Variants in EPHB1 observed in about 807,000 individuals in gnomAD.
The protein encoded by EPHB1 is EPH receptor B1, also known as ephrin type-B receptor 1.
A neutral mutation model predicts 94.4 loss-of-function variants in EPHB1; 30 were observed. The ratio of observed to expected loss-of-function variants is 0.32; its 90% confidence interval spans 0.24 to 0.43. The LOEUF is 0.43. Ranked by LOEUF, EPHB1 falls within the 20% of genes least tolerant of loss-of-function variation. The probability of loss-of-function intolerance (pLI) is 1.00; values close to 1 mark genes in which losing one functional copy is unlikely to be tolerated. For synonymous variants in EPHB1, 522 were observed against 489.1 expected, an observed-to-expected ratio of 1.07 and a Z score of -0.89; for missense variants, 1,055 against 1,308.3, an observed-to-expected ratio of 0.81 and a Z score of 2.99.
chr3:134,910,568 A>G (rs1402031283), intron 1 of EPHB1, among the ~76,000 whole-genome samples: 1 of 152,252 alleles, frequency 6.6e-6, no homozygotes, highest in African/African-American at 2.4e-5. Context: ...TACTCTCCAG[A>G]TATCTTGGTG....
At chr3:134,994,884 A>G (rs1262845904) in intron 3 of EPHB1, among the ~76,000 whole-genome samples, 1 of 152,228 alleles carries the variant, frequency 6.6e-6, no homozygotes, top group Non-Finnish European at 1.5e-5. Flanking sequence ...AGTTTATGCT[A>G]ATGGTAACAC....
chr3:135,226,843 A>G (rs1234718007), intron 12 of EPHB1, among the ~76,000 whole-genome samples: 2 of 152,216 alleles, frequency 1.3e-5, no homozygotes, highest in Admixed American at 6.5e-5. Flanking sequence ...TAAGGAAAAA[A>G]AAAAAGAAAT....
At chr3:134,876,999 G>A (rs1000330699) in intron 1 of EPHB1, among the ~76,000 whole-genome samples, 1 of 152,038 alleles carries the variant, frequency 6.6e-6, no homozygotes, top group Non-Finnish European at 1.5e-5. Flanking sequence ...CCTACCACAC[G>A]CCCCAGGTCC....
At chr3:135,168,525 G>A (rs1941717905) in intron 9 of EPHB1, among the ~76,000 whole-genome samples, 2 of 152,198 alleles carry the variant, frequency 1.3e-5, no homozygotes, top group Admixed American at 1.3e-4. Flanking sequence ...ATGTTGGCCT[G>A]TGCATTAGCC....
At chr3:134,826,170 T>A (rs1029183168) in intron 1 of EPHB1, among the ~76,000 whole-genome samples, 3 of 148,434 alleles carry the variant, frequency 2.0e-5, no homozygotes, top group Admixed American at 1.4e-4. Flanking sequence ...GAGAATTGCT[T>A]GAATCCAGGA....
intron 3 of EPHB1, among the ~76,000 whole-genome samples, chr3:135,033,501 G>A (rs1240924659): frequency 1.3e-5 from 2 of 152,108 alleles, no homozygotes; most frequent in Non-Finnish European, 2.9e-5. Flanking sequence ...AGCTTTCTGG[G>A]GCCTGTGGCT....
At chr3:135,244,584 CA>C (rs1943876306) in intron 13 of EPHB1, among the ~76,000 whole-genome samples, 2 of 152,170 alleles carry the variant, frequency 1.3e-5, no homozygotes, top group Non-Finnish European at 2.9e-5. Flanking sequence ...CATTTACAGC[CA>C]TCATCACATG....
At chr3:134,816,897 C>A (rs1440951902) in intron 1 of EPHB1, among the ~76,000 whole-genome samples, 6 of 152,048 alleles carry the variant, frequency 3.9e-5, no homozygotes, top group Non-Finnish European at 8.8e-5. Context: ...GGCACTCACC[C>A]TCAGTGTGAG....
chr3:134,822,449 A>G (rs2036400227), intron 1 of EPHB1, among the ~76,000 whole-genome samples: 1 of 152,176 alleles, frequency 6.6e-6, no homozygotes, highest in Non-Finnish European at 1.5e-5. Flanking sequence ...GGGGGCACTA[A>G]CCAACATATA....
chr3:134,887,435 A>G (rs1304853788), intron 1 of EPHB1, among the ~76,000 whole-genome samples: 1 of 152,204 alleles, frequency 6.6e-6, no homozygotes, highest in East Asian at 1.9e-4. Context: ...TCATTTTTGG[A>G]GGGAAGAATT....
intron 3 of EPHB1, among the ~76,000 whole-genome samples, chr3:135,013,454 C>T (rs1935687666): frequency 6.6e-6 from 1 of 152,166 alleles, no homozygotes; most frequent in South Asian, 2.1e-4. Flanking sequence ...CCACCGCATA[C>T]CGAGGAATCC....
rs758842322 is a variant in EPHB1, at chr3:135,259,258, G to A, written c.*138G>A. The A allele has an allele frequency of 7.4e-5, 47 of 633,186 alleles. No individual in the cohort carries two copies. The highest frequency in any genetic ancestry group is 1.1e-4 in the African/African-American group (6 of 54,024). The allele number at this position is 633,186 out of a possible 1,614,324, so 39.2% of individuals were successfully genotyped here. A position where few individuals can be genotyped will look rare whatever the true frequency, so the allele number is the denominator to read the frequency against. ...CATTTCCATCAGTGAAGAATCAACC[G>A]GACCTGTTGCTAGCAGGCAATCTCC... On this transcript the variant is annotated 3_prime_UTR_variant, in exon 16 of 16. Coordinates refer to ENST00000398015, the MANE Select transcript of EPHB1 (RefSeq NM_004441.5).
chr3:135,169,767 A>G (rs1941751292), intron 9 of EPHB1, among the ~76,000 whole-genome samples: 1 of 152,294 alleles, frequency 6.6e-6, no homozygotes, highest in South Asian at 2.1e-4. Context: ...CCACTCTAAG[A>G]GAAAGGAACT....
intron 3 of EPHB1, among the ~76,000 whole-genome samples, chr3:135,074,633 T>G (rs1241876494): frequency 6.6e-6 from 1 of 152,224 alleles, no homozygotes; most frequent in African/African-American, 2.4e-5. Flanking sequence ...AAGGTGTTGG[T>G]CACTGATCCA....
In EPHB1 at chr3:134,991,646, CAA is replaced by C. The variant is rs1208149654; in HGVS notation, c.805+39596_805+39597del. 5.3e-5 allele frequency among the ~76,000 whole-genome samples: 8 copies of C among 152,256 alleles called. 2 individuals carry two copies. Among genetic ancestry groups the C allele is most frequent in the Admixed American group, 5.2e-4 (8 of 15,304 alleles). ...ATGGACCTCACCCCTTGCCCCAGTG[CAA>C]ACACTCTCCCCTGGCTGAGCACCCC... On this transcript the variant is annotated intron_variant, in intron 3 of 15. Coordinates refer to ENST00000398015, the MANE Select transcript of EPHB1 (RefSeq NM_004441.5).
chr3:135,015,197 C>A (rs1935754457), intron 3 of EPHB1, among the ~76,000 whole-genome samples: 1 of 152,142 alleles, frequency 6.6e-6, no homozygotes, highest in Non-Finnish European at 1.5e-5. Flanking sequence ...CCGCTTTCAT[C>A]TCCCAGTGAC....
At chr3:135,091,285 C>T (rs1030427461) in intron 3 of EPHB1, among the ~76,000 whole-genome samples, 2 of 152,176 alleles carry the variant, frequency 1.3e-5, no homozygotes, top group African/African-American at 4.8e-5. Context: ...GCCATCTGGG[C>T]AGGTGGAGCA....
chr3:135,212,918 G>T (rs1328121928), intron 12 of EPHB1, among the ~76,000 whole-genome samples: 2 of 152,194 alleles, frequency 1.3e-5, no homozygotes, highest in Non-Finnish European at 2.9e-5. Flanking sequence ...GGAACATTCA[G>T]CTTATCCCCC....
intron 3 of EPHB1, among the ~76,000 whole-genome samples, chr3:135,001,651 G>A (rs976836494): frequency 6.6e-6 from 1 of 152,080 alleles, no homozygotes; most frequent in Non-Finnish European, 1.5e-5. Flanking sequence ...AGGCTTCCAG[G>A]GACAGCCTAG....
Sources: gnomAD v4.1 joint callset for allele counts (sites outside exome capture counted in the v4.1 genomes callset) on GRCh38, gnomAD v4.1.1 for gene constraint, MANE v1.5 for transcripts, NCBI Gene and HGNC (gene_info 2026-07-23, HGNC 2026-07-21) for gene names.